The following ZC3H11A variants were observed in gnomAD, a reference collection of about 807,000 sequenced individuals.
The protein encoded by ZC3H11A is zinc finger CCCH domain-containing protein 11A.
In ZC3H11A, 22 loss-of-function variants were observed where a neutral mutation model predicts 90.8. The ratio of observed to expected loss-of-function variants is 0.24; its 90% CI spans 0.17 to 0.35. The LOEUF is 0.35. Among genes scored for constraint, ZC3H11A ranks in the 10% least tolerant of loss-of-function variants. ZC3H11A has a pLI of 1.00. For missense variants in ZC3H11A, 701 were observed against 964.9 expected (o/e 0.73, Z 3.62); for synonymous variants, 294 against 339.8 (o/e 0.87, Z 1.48).
chr1:203,837,227 G>A (rs1293739004), intron 10 of ZC3H11A, among the ~76,000 whole-genome samples: 6 of 150,166 alleles, frequency 4.0e-5, no homozygotes, highest in Non-Finnish European at 2.9e-5. Context: ...GGAGGTGGAG[G>A]TTGCAGTGAG....
chr1:203,799,223 T>A, intron 1 of ZC3H11A: 1 of 914,828 alleles, frequency 1.1e-6, no homozygotes, highest in African/African-American at 1.6e-5. Flanking sequence ...ACAATTCCTC[T>A]AATGTGGTAC....
intron 9 of ZC3H11A, among the ~76,000 whole-genome samples, chr1:203,832,562 T>C (rs916366278): frequency 6.6e-6 from 1 of 152,160 alleles, no homozygotes; most frequent in Non-Finnish European, 1.5e-5. Context: ...GGTTTCACCA[T>C]GTTGGCCACA....
At position 203,823,434 on chromosome 1, in the gene ZC3H11A, A is replaced by G. The variant is rs554540853; in HGVS notation, c.174+4745A>G. On this transcript the variant is annotated intron_variant, in intron 4 of 17. Transcript: ENST00000367210. ...GGATTTTCATTGGTGCTAGCCATAT[A>G]AGCACTCTTTACCAAACATGTACCC... Among the ~76,000 whole-genome samples, 9 of 152,378 alleles carry G rather than the reference A, an allele frequency of 5.9e-5. No homozygotes were observed. The East Asian group carries it at 1.7e-3, about 29-fold the overall frequency.
chr1:203,833,738 TGA>T, intron 9 of ZC3H11A, 51 bp from the exon 10 acceptor site: 1 of 1,539,674 alleles, frequency 6.5e-7, no homozygotes, highest in Non-Finnish European at 8.9e-7. Context: ...TAGTAGTTAC[TGA>T]ATACAGAAAA....
chr1:203,846,115 C>CAAAA (rs34793133), intron 12 of ZC3H11A, among the ~76,000 whole-genome samples: 1 of 53,126 alleles, frequency 1.9e-5, no homozygotes, highest in Admixed American at 2.3e-4. Flanking sequence ...TCGTCTTTAC[C>CAAAA]AAAAAAAAAA....
intron 3 of ZC3H11A, 112 bp downstream of exon 3, chr1:203,817,236 CT>C: frequency 1.3e-6 from 1 of 780,054 alleles, no homozygotes; most frequent in Non-Finnish European, 1.9e-6. Flanking sequence ...TTTTGCCCAA[CT>C]TTATTATTGG....
At chr1:203,835,703 G>A (rs1369245579) in intron 10 of ZC3H11A, 5 of 254,144 alleles carry the variant, frequency 2.0e-5, no homozygotes, top group Non-Finnish European at 4.2e-5. Flanking sequence ...CCTTTCCCCA[G>A]ATGACTCTGG....
chr1:203,830,925 ATTTTTTTTTTTTTTTTTTTTT>A (rs774771270), intron 8 of ZC3H11A, among the ~76,000 whole-genome samples: 9 of 51,388 alleles, frequency 1.8e-4, no homozygotes, highest in South Asian at 8.7e-4. Context: ...CCAACCCCCA[ATTTTTTTTTTTTTTTTTTTTT>A]TTTTTTTTTT....
At chr1:203,796,140 A>G (rs1668403168) in intron 1 of ZC3H11A, 2 of 230,944 alleles carry the variant, frequency 8.7e-6, no homozygotes, top group Non-Finnish European at 1.7e-5. Flanking sequence ...AGCAGCCCCG[A>G]AAACCGACTG....
chr1:203,798,540 A>G lies in ZC3H11A; in HGVS notation c.-1588+2746A>G, dbSNP rs374322432. The stretch of plus-strand genomic sequence containing the variant: ...ATTAGATGAAGCTGAGACTGAGAGA[A>G]GTGATCTCTTGAGTGATACCTTGCA... On this transcript the variant is annotated intron_variant, in intron 1 of 17. Transcript: ENST00000367210. 2 of 1,536,170 alleles carry G rather than the reference A, an allele frequency of 1.3e-6. No individual in the cohort carries two copies. Among genetic ancestry groups the G allele is most frequent in the Admixed American group, 2.0e-5 (1 of 51,006 alleles).
intron 12 of ZC3H11A, among the ~76,000 whole-genome samples, chr1:203,843,756 A>G (rs1458118626): frequency 6.6e-6 from 1 of 152,086 alleles, no homozygotes; most frequent in Non-Finnish European, 1.5e-5. Context: ...CCTTATCTTT[A>G]TTATCCAGTC....
intron 1 of ZC3H11A, chr1:203,799,063 G>T: frequency 6.5e-7 from 1 of 1,536,086 alleles, no homozygotes; most frequent in Non-Finnish European, 8.7e-7. Flanking sequence ...CTCAATAATG[G>T]CAGGATCCCC....
In ZC3H11A at chr1:203,842,588, G is replaced by C. The variant is rs191336095; in HGVS notation, c.1042+2214G>C. The stretch of plus-strand genomic sequence containing the variant: ...GGCTTTCACAACTTTGGTGGCATCA[G>C]AGGGAGACCGGGGAGAGGGGGAGGG... On this transcript the variant is annotated intron_variant, in intron 12 of 17. Coordinates refer to ENST00000367210, the MANE Select transcript of ZC3H11A (RefSeq NM_001376342.1). Among the ~76,000 whole-genome samples, 261 of 150,372 alleles carry C rather than the reference G, an allele frequency of 1.7e-3. 6 individuals are homozygous for C. The East Asian group carries it at 0.041, about 24-fold the overall frequency.
rs1668917274 is a variant in ZC3H11A, at chr1:203,797,441, A to G, written c.-1588+1647A>G. 9.2e-6 allele frequency: 12 copies of G among 1,301,416 alleles called. No individual in the cohort carries two copies. In the South Asian group the frequency reaches 2.0e-4, roughly 22 times the overall value. 80.6% of individuals were successfully genotyped at this position (1,301,416 alleles called of 1,614,324 possible). A position where few individuals can be genotyped will look rare whatever the true frequency, so the allele number is the denominator to read the frequency against. On this transcript the variant is annotated intron_variant, in intron 1 of 17. Transcript: ENST00000367210. The stretch of plus-strand genomic sequence containing the variant: ...TAGAAACTGGAGAAAAGGTAATGCA[A>G]GTAGAGAGGAACAGCTGTATTTCTG...
chr1:203,826,156 AC>A (rs1680444169), intron 4 of ZC3H11A, among the ~76,000 whole-genome samples: 1 of 152,200 alleles, frequency 6.6e-6, no homozygotes, highest in Admixed American at 6.5e-5. Context: ...GGTAGCTATT[AC>A]ATCTACCTTT....
chr1:203,799,384 A>G (rs2102389849), intron 1 of ZC3H11A: 1 of 703,418 alleles, frequency 1.4e-6, no homozygotes, highest in Non-Finnish European at 2.6e-6. Flanking sequence ...CATTCGGTCA[A>G]GGCCCGTCAG....
At chr1:203,851,237 C>T in intron 17 of ZC3H11A, 113 bp downstream of exon 17, 1 of 944,416 alleles carries the variant, frequency 1.1e-6, no homozygotes, top group Non-Finnish European at 1.6e-6. Flanking sequence ...ATCTGTTGCA[C>T]TTCAAATTAA....
At chr1:203,847,822 G>A (rs1688297530) in intron 13 of ZC3H11A, 135 bp downstream of exon 13, 4 of 1,317,990 alleles carry the variant, frequency 3.0e-6, no homozygotes, top group Non-Finnish European at 4.1e-6. Context: ...ATTAAATGAA[G>A]TTTTTCAGTA....
Position 203,829,605 on chromosome 1 carries a change from G to A in ZC3H11A, c.453G>A (p.Thr151=). The change falls in exon 6 of 18, where the codon ACG becomes ACA. Residue 151 remains threonine, a synonymous_variant. Coordinates refer to ENST00000367210, the MANE Select transcript of ZC3H11A (RefSeq NM_001376342.1). Reference sequence around the variant, plus strand: ...GTTCCGAAAATGTTCCTAGCCCCACGCATCCACCAGTTGTAATTAATGCTG... The same window carrying A: ...GTTCCGAAAATGTTCCTAGCCCCACACATCCACCAGTTGTAATTAATGCTG... The part of the protein sequence containing the change: ...VESSENVPSP[T]HPPVVINAAD... 6.8e-6 allele frequency: 11 copies of A among 1,614,162 alleles called. No homozygotes were observed. Among genetic ancestry groups the A allele is most frequent in the Non-Finnish European group, 9.3e-6 (11 of 1,180,038 alleles).
Sources: gnomAD v4.1 joint callset for allele counts (sites outside exome capture counted in the v4.1 genomes callset) on GRCh38, gnomAD v4.1.1 for gene constraint, MANE v1.5 for transcripts, NCBI Gene and HGNC (gene_info 2026-07-23, HGNC 2026-07-21) for gene names.